Variants in PCDHGA6 observed in about 807,000 individuals in gnomAD.
PCDHGA6 encodes the protein protocadherin gamma subfamily A, 6.
Under a neutral mutation model 60.6 loss-of-function variants are expected in PCDHGA6, and 41 were observed. That is an observed-to-expected ratio of 0.68 (90% CI 0.53 to 0.88). The LOEUF (loss-of-function observed/expected upper bound fraction) is 0.88. Among genes scored for constraint, PCDHGA6 ranks in the 40% least tolerant of loss-of-function variants. The pLI, the probability that PCDHGA6 is intolerant of heterozygous loss-of-function variation, is 0.00. For synonymous variants in PCDHGA6, 594 were observed against 524.4 expected (o/e 1.13, Z -1.81); for missense variants, 1,312 against 1,203.0 (o/e 1.09, Z -1.34).
Position 141,399,593 on chromosome 5 carries a change from C to A in PCDHGA6, c.2424+23086C>A, listed in dbSNP as rs201515317. 170 of 1,613,988 alleles carry A rather than the reference C, an allele frequency of 1.1e-4. 1 individual carries two copies. The African/African-American group carries it at 1.5e-3, about 14-fold the overall frequency. On this transcript the variant is annotated intron_variant, in intron 1 of 3. Coordinates refer to ENST00000517434, the MANE Select transcript of PCDHGA6 (RefSeq NM_018919.3). Reference sequence around the variant, plus strand: ...GGCCAAGTCTCCTACTCTATCATGGCCAGCGACCTAGAGCCTCTGGCACTG... The same window carrying A: ...GGCCAAGTCTCCTACTCTATCATGGACAGCGACCTAGAGCCTCTGGCACTG...
At chr5:141,390,066 G>A (rs2092035559) in intron 1 of PCDHGA6, 2 of 1,614,052 alleles carry the variant, frequency 1.2e-6, no homozygotes, top group East Asian at 2.2e-5. Flanking sequence ...CTTCCAGCCT[G>A]GTCTCTGTGT....
chr5:141,403,626 C>T, intron 1 of PCDHGA6: 1 of 1,613,910 alleles, frequency 6.2e-7, no homozygotes, highest in Non-Finnish European at 8.5e-7. Context: ...CGCTCCAGCA[C>T]AGTGCGCATC....
intron 1 of PCDHGA6, chr5:141,405,107 T>A: frequency 6.2e-7 from 1 of 1,613,998 alleles, no homozygotes; most frequent in African/African-American, 1.3e-5. Flanking sequence ...GCTGAGGCAC[T>A]GGCACTCCTC....
At chr5:141,503,099 C>T (rs1286557930) in intron 2 of PCDHGA6, among the ~76,000 whole-genome samples, 1 of 151,884 alleles carries the variant, frequency 6.6e-6, no homozygotes, top group Non-Finnish European at 1.5e-5. Context: ...GTGGTCTGCC[C>T]GCCCCTGCCT....
chr5:141,403,465 G>A, intron 1 of PCDHGA6: 1 of 1,614,018 alleles, frequency 6.2e-7, no homozygotes, highest in Non-Finnish European at 8.5e-7. Context: ...AGAGCTACCA[G>A]CTCAGCCCCA....
chr5:141,374,087 G>C lies in PCDHGA6; in HGVS notation c.4G>C (p.Ala2Pro), dbSNP rs1358918796. The change falls in exon 1 of 4, where the codon GCG becomes CCG. Residue 2 changes from alanine (A) to proline (P), a missense_variant. Transcript: ENST00000517434. M[A>P]PPQRHPQRSE... ...AGAAGTTCCTAATAAGCCAGTAATG[G>C]CGCCTCCGCAGAGGCATCCGCAGCG... 2.0e-6 allele frequency: 3 copies of C among 1,529,296 alleles called. No individual in the cohort carries two copies. The highest frequency in any genetic ancestry group is 2.6e-6 in the Non-Finnish European group (3 of 1,139,354). 94.7% of individuals were successfully genotyped at this position (1,529,296 alleles called of 1,614,324 possible). A position where few individuals can be genotyped will look rare whatever the true frequency, so the allele number is the denominator to read the frequency against.
intron 1 of PCDHGA6, chr5:141,423,339 C>T (rs1393650718): frequency 6.2e-7 from 1 of 1,614,072 alleles, no homozygotes; most frequent in Non-Finnish European, 8.5e-7. Flanking sequence ...TCTCCTGCAT[C>T]TTCCTGGTCT....
chr5:141,477,777 A>G lies in PCDHGA6; in HGVS notation c.2425-17030A>G, dbSNP rs775845004. ...GTCCTAGCCACCAACATCAGCGTGA[A>G]CATATTTGTCACTGATCGCAATGAC... is the stretch of plus-strand genomic sequence containing the variant. On this transcript the variant is annotated intron_variant, in intron 1 of 3. Transcript: ENST00000517434. The surrounding 1 kb of genome is among the most constrained non-coding windows in gnomAD (Gnocchi z 4.9). The G allele has an allele frequency of 1.9e-4, 299 of 1,613,944 alleles. No homozygotes were observed. Among genetic ancestry groups the G allele is most frequent in the Non-Finnish European group, 2.5e-4 (295 of 1,180,048 alleles).
intron 1 of PCDHGA6, among the ~76,000 whole-genome samples, chr5:141,387,210 C>T (rs944882080): frequency 3.9e-5 from 6 of 152,012 alleles, no homozygotes; most frequent in Non-Finnish European, 5.9e-5. Context: ...CTGATACTCT[C>T]CGGAAAAAGT....
chr5:141,453,931 G>T (rs61228273), intron 1 of PCDHGA6, among the ~76,000 whole-genome samples: 2 of 152,306 alleles, frequency 1.3e-5, no homozygotes, highest in African/African-American at 4.8e-5. Flanking sequence ...GTCACTGTGT[G>T]CCTATAATTT....
In PCDHGA6 at chr5:141,375,771, T is replaced by C. The variant is rs570278414; in HGVS notation, c.1688T>C (p.Leu563Pro). ...CAGAATGACAATGCGCCCGAGATCC[T>C]GTACCCCGCCCTCCCCACAGACGGT... ...LDQNDNAPEI[L>P]YPALPTDGST... The change falls in exon 1 of 4, where the codon CTG becomes CCG. Residue 563 changes from leucine (L) to proline (P), a missense_variant. By Grantham distance (98) the Leu-to-Pro change is moderately conservative (BLOSUM62 -3). Transcript: ENST00000517434. 16 of 1,614,130 alleles carry C rather than the reference T, an allele frequency of 9.9e-6. No individual in the cohort carries two copies. Among genetic ancestry groups the C allele is most frequent in the Middle Eastern group, 1.6e-4 (1 of 6,084 alleles).
intron 1 of PCDHGA6, among the ~76,000 whole-genome samples, chr5:141,468,088 G>T (rs186503104): frequency 6.6e-6 from 1 of 152,186 alleles, no homozygotes; most frequent in East Asian, 1.9e-4. Context: ...ACTTTGGGAG[G>T]TTGAGGCAGG....
In PCDHGA6 at chr5:141,487,636, AC is replaced by A. The variant is rs1562120737; in HGVS notation, c.2425-7170del. On this transcript the variant is annotated intron_variant, in intron 1 of 3. Coordinates refer to ENST00000517434, the MANE Select transcript of PCDHGA6 (RefSeq NM_018919.3). The surrounding 1 kb of genome is among the most constrained non-coding windows in gnomAD (Gnocchi z 5.0). ...TAGAGGTGAGACCTTTGCAGGCTCA[AC>A]AAATGCTTGAGGGTTATTCTGATCC... 1 of 1,614,192 alleles carries A rather than the reference AC, an allele frequency of 6.2e-7. No individual in the cohort carries two copies. The highest frequency in any genetic ancestry group is 2.2e-5 in the East Asian group (1 of 44,886).
At chr5:141,456,020 C>A (rs2098840631) in intron 1 of PCDHGA6, among the ~76,000 whole-genome samples, 2 of 151,952 alleles carry the variant, frequency 1.3e-5, no homozygotes, top group South Asian at 4.2e-4. Flanking sequence ...GCCTCAGCCT[C>A]CCGAGTAGCT....
intron 1 of PCDHGA6, chr5:141,393,405 C>T (rs777100284): frequency 1.2e-6 from 2 of 1,614,032 alleles, no homozygotes; most frequent in Non-Finnish European, 1.7e-6. Flanking sequence ...GGTGCTGGAG[C>T]GCGCCCTGGA....
chr5:141,393,080 G>A (rs747012880), intron 1 of PCDHGA6: 1 of 1,613,694 alleles, frequency 6.2e-7, no homozygotes, highest in Non-Finnish European at 8.5e-7. Flanking sequence ...CCGCGGGCAG[G>A]ATAGATCGGG....
intron 1 of PCDHGA6, chr5:141,383,080 G>C: frequency 1.9e-6 from 3 of 1,613,930 alleles, no homozygotes; most frequent in Non-Finnish European, 2.5e-6. Context: ...GGAGCTGGCG[G>C]AGCGCGGAGT....
chr5:141,452,252 C>T (rs868364679), intron 1 of PCDHGA6, among the ~76,000 whole-genome samples: 2 of 152,106 alleles, frequency 1.3e-5, no homozygotes, highest in Non-Finnish European at 2.9e-5. Context: ...TTTGCCATAA[C>T]TCTCTCATTT....
intron 1 of PCDHGA6, among the ~76,000 whole-genome samples, chr5:141,425,694 A>G (rs1006103007): frequency 6.6e-6 from 1 of 152,240 alleles, no homozygotes; most frequent in Non-Finnish European, 1.5e-5. Context: ...ATATCATTTC[A>G]TAGTGGTCAA....
Sources: allele counts gnomAD v4.1 joint callset (sites outside exome capture counted in the v4.1 genomes callset), GRCh38; gene constraint gnomAD v4.1.1; non-coding constraint Gnocchi (gnomAD v3.1); transcripts MANE v1.5; gene names NCBI Gene and HGNC (gene_info 2026-07-23, HGNC 2026-07-21).